Variants in STX8 observed in about 807,000 individuals in gnomAD.
The protein encoded by STX8 is syntaxin 8, also known as syntaxin-8.
In STX8, 23 loss-of-function variants were observed where a neutral mutation model predicts 37.5. The ratio of observed to expected loss-of-function variants is 0.61; its 90% CI spans 0.44 to 0.87. The LOEUF is 0.87. Among genes scored for constraint, STX8 ranks in the 40% least tolerant of loss-of-function variants. The pLI, the probability that STX8 is intolerant of heterozygous loss-of-function variation, is 0.00. For missense variants in STX8, 313 were observed against 284.7 expected, an observed-to-expected ratio of 1.10 and a Z score of -0.71; for synonymous variants, 115 against 99.1, an observed-to-expected ratio of 1.16 and a Z score of -0.95.
At chr17:9,429,393 TTATAAA>T (rs1051349360) in intron 6 of STX8, among the ~76,000 whole-genome samples, 124 of 144,972 alleles carry the variant, frequency 8.6e-4, no homozygotes, top group African/African-American at 3.0e-3. Context: ...TATTTATATA[TTATAAA>T]TATATAAATA....
chr17:9,514,190 A>G (rs1399977337), intron 4 of STX8, among the ~76,000 whole-genome samples: 1 of 152,216 alleles, frequency 6.6e-6, no homozygotes, highest in Admixed American at 6.5e-5. Context: ...CAACACAAAG[A>G]AATGAAAAAT....
intron 6 of STX8, among the ~76,000 whole-genome samples, chr17:9,468,116 T>C (rs974380700): frequency 1.3e-5 from 2 of 152,164 alleles, no homozygotes; most frequent in Non-Finnish European, 2.9e-5. Context: ...ATTTTGTTTT[T>C]GGTTTTTTTT....
chr17:9,386,104 C>CA (rs57683285), intron 6 of STX8, among the ~76,000 whole-genome samples: 18,911 of 118,176 alleles, frequency 0.16, 1,684 homozygotes, highest in East Asian at 0.32. Context: ...GCCTATTTCT[C>CA]AAAAAAAAAA....
intron 6 of STX8, among the ~76,000 whole-genome samples, chr17:9,427,345 C>T (rs939349847): frequency 2.0e-5 from 3 of 152,156 alleles, no homozygotes; most frequent in African/African-American, 7.2e-5. Context: ...GCCAGGAACA[C>T]GCCTCCCCAG....
At chr17:9,550,701 C>T (rs772203675) in intron 3 of STX8, among the ~76,000 whole-genome samples, 5 of 152,174 alleles carry the variant, frequency 3.3e-5, no homozygotes, top group Non-Finnish European at 5.9e-5. Context: ...ACAGATGGAG[C>T]GGGGTAAATA....
rs115950898 is a variant in STX8, at chr17:9,260,331, A to C, written c.644-9686T>G. Reference sequence around the variant, plus strand: ...GAGTGAGACCCTGTCTCTTAAAAGAAAAGTCAAGAAGGCCGGGCGCGGTGG... The same window carrying C: ...GAGTGAGACCCTGTCTCTTAAAAGACAAGTCAAGAAGGCCGGGCGCGGTGG... On this transcript the variant is annotated intron_variant, in intron 7 of 7. Transcript: ENST00000306357. 3.4e-3 allele frequency among the ~76,000 whole-genome samples: 514 copies of C among 151,974 alleles called. 2 individuals carry two copies. The highest frequency in any genetic ancestry group is 0.012 in the African/African-American group (483 of 41,442).
chr17:9,278,612 C>T (rs994538006), intron 7 of STX8, among the ~76,000 whole-genome samples: 7 of 152,210 alleles, frequency 4.6e-5, no homozygotes, highest in South Asian at 2.1e-4. Context: ...GGGTAGGTGG[C>T]GTTCTGGATA....
intron 3 of STX8, 134 bp from the exon 4 acceptor site, chr17:9,545,416 A>C: frequency 1.6e-6 from 1 of 628,190 alleles, no homozygotes; most frequent in Non-Finnish European, 2.8e-6. Context: ...GATGCGCACC[A>C]CTCTTGCGTT....
intron 6 of STX8, among the ~76,000 whole-genome samples, chr17:9,385,204 G>A (rs76748037): frequency 0.019 from 2,889 of 152,262 alleles, 77 homozygotes; most frequent in African/African-American, 0.065. Context: ...TTCCTAAAAT[G>A]TAATGGGAGG....
intron 7 of STX8, among the ~76,000 whole-genome samples, chr17:9,327,833 C>T (rs1020497014): frequency 1.3e-5 from 2 of 152,074 alleles, no homozygotes; most frequent in Admixed American, 6.6e-5. Context: ...CACCACCACA[C>T]CCAGCTAATT....
At chr17:9,289,838 A>C (rs2142162659) in intron 7 of STX8, among the ~76,000 whole-genome samples, 1 of 152,282 alleles carries the variant, frequency 6.6e-6, no homozygotes, top group Middle Eastern at 3.4e-3. Flanking sequence ...GTTCCAAAAA[A>C]ACACAAAATA....
intron 6 of STX8, among the ~76,000 whole-genome samples, chr17:9,445,524 T>TGGGGGAGGGGGGTGG (rs1904813897): frequency 7.8e-5 from 2 of 25,676 alleles, no homozygotes; most frequent in African/African-American, 1.5e-4. Context: ...GGTTGGGGGG[T>TGGGGGAGGGGGGTGG]GGGGGTGAGG....
At chr17:9,250,897 G>A (rs573084430) in intron 7 of STX8, among the ~76,000 whole-genome samples, 1 of 152,200 alleles carries the variant, frequency 6.6e-6, no homozygotes, top group South Asian at 2.1e-4. Flanking sequence ...AAGCCAGGAG[G>A]GGGTGAGGCC....
intron 7 of STX8, among the ~76,000 whole-genome samples, chr17:9,321,390 C>T (rs973829896): frequency 1.3e-5 from 2 of 151,398 alleles, no homozygotes; most frequent in Non-Finnish European, 1.5e-5. Context: ...ATTAGCCGGG[C>T]GTGGTGGCAG....
In STX8 at chr17:9,455,223, G is replaced by T. The variant is rs142578842; in HGVS notation, c.541+36606C>A. ...TCTCTTAAAAAACAAAACAAGGCTG[G>T]GTGCGGTGGCTCACGCCTGTAATCC... On this transcript the variant is annotated intron_variant, in intron 6 of 7. Transcript: ENST00000306357. 9.7e-3 allele frequency among the ~76,000 whole-genome samples: 1,454 copies of T among 149,790 alleles called. 13 individuals carry two copies. The highest frequency in any genetic ancestry group is 0.015 in the Non-Finnish European group (989 of 67,572).
chr17:9,483,814 C>CACGCCTGGTCCCT (rs1906455795), intron 6 of STX8, among the ~76,000 whole-genome samples: 1 of 152,154 alleles, frequency 6.6e-6, no homozygotes, highest in Non-Finnish European at 1.5e-5. Context: ...AGAGGAGATG[C>CACGCCTGGTCCCT]ACGCCTGGTC....
At chr17:9,573,980 C>A (rs1907792418) in intron 1 of STX8, among the ~76,000 whole-genome samples, 1 of 151,886 alleles carries the variant, frequency 6.6e-6, no homozygotes, top group Non-Finnish European at 1.5e-5. Flanking sequence ...CAACATAAGA[C>A]AATTATGAGG....
chr17:9,306,784 AACAAAT>A (rs1328426109), intron 7 of STX8, among the ~76,000 whole-genome samples: 5 of 151,746 alleles, frequency 3.3e-5, no homozygotes, highest in Non-Finnish European at 5.9e-5. Flanking sequence ...AACAAACAAA[AACAAAT>A]AAGGAATTTA....
intron 2 of STX8, among the ~76,000 whole-genome samples, chr17:9,567,345 T>C (rs753509397): frequency 4.6e-5 from 7 of 152,170 alleles, no homozygotes; most frequent in Non-Finnish European, 1.0e-4. Context: ...AACCTCAGCA[T>C]TCTTAGTAGA....
Sources: gnomAD v4.1 joint callset for allele counts (sites outside exome capture counted in the v4.1 genomes callset) on GRCh38, gnomAD v4.1.1 for gene constraint, MANE v1.5 for transcripts, NCBI Gene and HGNC (gene_info 2026-07-23, HGNC 2026-07-21) for gene names.